CCSAP: variants seen among roughly 807,000 people sequenced by gnomAD.
CCSAP encodes centriole, cilia and spindle-associated protein.
In CCSAP, 17 loss-of-function variants were observed where a neutral mutation model predicts 25.9. That is an observed-to-expected ratio of 0.66 (90% CI 0.45 to 0.99). CCSAP has a LOEUF of 0.99. Among genes scored for constraint, CCSAP ranks in the 50% least tolerant of loss-of-function variants. The probability of loss-of-function intolerance (pLI) is 0.00; values close to 1 mark genes in which losing one functional copy is unlikely to be tolerated. For synonymous variants in CCSAP, 169 were observed against 157.1 expected, an observed-to-expected ratio of 1.08 and a Z score of -0.57; for missense variants, 339 against 367.8, an observed-to-expected ratio of 0.92 and a Z score of 0.64.
At chr1:229,333,246 C>A (rs369092599) in intron 2 of CCSAP, among the ~76,000 whole-genome samples, 9 of 151,604 alleles carry the variant, frequency 5.9e-5, no homozygotes, top group South Asian at 4.2e-4. Context: ...TCCTGGGTAA[C>A]ACGGTGAAAC....
intron 2 of CCSAP, 167 bp from the exon 3 acceptor site, chr1:229,327,173 T>C: frequency 1.7e-6 from 1 of 577,428 alleles, no homozygotes; most frequent in East Asian, 3.2e-5. Context: ...TTAGCATAAT[T>C]TTCAAACCAT....
At chr1:229,340,905 T>G (rs1658315157) in intron 2 of CCSAP, among the ~76,000 whole-genome samples, 1 of 152,116 alleles carries the variant, frequency 6.6e-6, no homozygotes, top group Admixed American at 6.5e-5. Context: ...TCTATAAAAC[T>G]GAGATTAGGG....
At position 229,323,940 on chromosome 1, in the gene CCSAP, C is replaced by T. The variant is rs1343695254; in HGVS notation, c.*1295G>A. ...TCTTATAAGGAACTTAGCACATATC[C>T]TTCTAGCAGATTCTTGTCTCCACAG... On this transcript the variant is annotated 3_prime_UTR_variant, in exon 4 of 4. Coordinates refer to ENST00000284617, the MANE Select transcript of CCSAP (RefSeq NM_145257.5). 6.6e-6 allele frequency: 1 copy of T among 152,452 alleles called. No homozygotes were observed. Among genetic ancestry groups the T allele is most frequent in the African/African-American group, 2.4e-5 (1 of 41,440 alleles). 9.4% of individuals were successfully genotyped at this position (152,452 alleles called of 1,614,324 possible). A position where few individuals can be genotyped will look rare whatever the true frequency, so the allele number is the denominator to read the frequency against.
intron 2 of CCSAP, among the ~76,000 whole-genome samples, chr1:229,333,795 C>G (rs1658136638): frequency 6.6e-6 from 1 of 151,902 alleles, no homozygotes; most frequent in Non-Finnish European, 1.5e-5. Context: ...GTGGGAGGAT[C>G]ACTTGAACCT....
intron 2 of CCSAP, among the ~76,000 whole-genome samples, chr1:229,331,724 T>C (rs1461673408): frequency 6.6e-6 from 1 of 151,896 alleles, no homozygotes; most frequent in Non-Finnish European, 1.5e-5. Flanking sequence ...CATGGAAGCT[T>C]CTCACCCCTT....
chr1:229,340,384 A>G (rs1658302959), intron 2 of CCSAP: 2 of 716,154 alleles, frequency 2.8e-6, no homozygotes, highest in East Asian at 5.4e-5. Context: ...CAAAATAATC[A>G]TGAACTCAGA....
intron 2 of CCSAP, among the ~76,000 whole-genome samples, chr1:229,327,977 T>C (rs1000400820): frequency 1.3e-5 from 2 of 152,096 alleles, no homozygotes; most frequent in Non-Finnish European, 2.9e-5. Context: ...AGCCCTAAAT[T>C]CTGGGGAACC....
intron 3 of CCSAP, 118 bp downstream of exon 3, chr1:229,326,620 A>G (rs555808544): frequency 8.2e-7 from 1 of 1,213,998 alleles, no homozygotes; most frequent in East Asian, 2.3e-5. Flanking sequence ...CTATCCCCTA[A>G]GATCTCCCAT....
chr1:229,330,064 G>A, intron 2 of CCSAP, among the ~76,000 whole-genome samples: 1 of 141,780 alleles, frequency 7.1e-6, no homozygotes, highest in Admixed American at 6.9e-5. Context: ...GCATCAGACT[G>A]ACAGGTGGAC....
At chr1:229,330,847 A>G (rs1489792172) in intron 2 of CCSAP, among the ~76,000 whole-genome samples, 2 of 151,912 alleles carry the variant, frequency 1.3e-5, no homozygotes, top group Non-Finnish European at 1.5e-5. Flanking sequence ...AAAAAAAAAA[A>G]AAAAGAAAAT....
chr1:229,333,980 T>TG (rs1272883749), intron 2 of CCSAP, among the ~76,000 whole-genome samples: 3 of 152,240 alleles, frequency 2.0e-5, no homozygotes, highest in African/African-American at 7.2e-5. Flanking sequence ...TTCCAAGTAG[T>TG]GGTAATAGAG....
At position 229,327,761 on chromosome 1, in the gene CCSAP, C is replaced by T. The variant is rs919102232; in HGVS notation, c.368-755G>A. On this transcript the variant is annotated intron_variant, in intron 2 of 3. Coordinates refer to ENST00000284617, the MANE Select transcript of CCSAP (RefSeq NM_145257.5). ...GTGCATGCCTGTAGTCCCAGCTACT[C>T]GGGAGACTGAGGCAGGGGAATCGCT... Among the ~76,000 whole-genome samples, 9 of 149,684 alleles carry T rather than the reference C, an allele frequency of 6.0e-5. No individual in the cohort carries two copies. In the East Asian group the frequency reaches 1.0e-3, roughly 17 times the overall value.
Position 229,327,569 on chromosome 1 carries a change from A to G in CCSAP, c.368-563T>C, listed in dbSNP as rs145293329. ...GCAGCCAGGCATTCCCTGTGGGAAG[A>G]GTTAAAAATGAGGGCCCCGGCCGGG... On this transcript the variant is annotated intron_variant, in intron 2 of 3. Coordinates refer to ENST00000284617, the MANE Select transcript of CCSAP (RefSeq NM_145257.5). 309 of 456,188 alleles carry G rather than the reference A, an allele frequency of 6.8e-4. 3 individuals are homozygous for G. The highest frequency in any genetic ancestry group is 5.8e-3 in the African/African-American group (289 of 50,182). 28.3% of individuals were successfully genotyped at this position (456,188 alleles called of 1,614,324 possible). A position where few individuals can be genotyped will look rare whatever the true frequency, so the allele number is the denominator to read the frequency against.
rs1317452278 is a variant in CCSAP at position 229,322,663 on chromosome 1, G to A, written c.*2572C>T. On this transcript the variant is annotated 3_prime_UTR_variant, in exon 4 of 4. Coordinates refer to ENST00000284617, the MANE Select transcript of CCSAP (RefSeq NM_145257.5). ...AAGTATTTTAACATCTCCTAACTAA[G>A]GGCAGTTAAAAGACAAAGAATCGAT... is the stretch of plus-strand genomic sequence containing the variant. 1 of 152,086 alleles carries A rather than the reference G, an allele frequency of 6.6e-6. No homozygotes were observed. The highest frequency in any genetic ancestry group is 1.5e-5 in the Non-Finnish European group (1 of 68,014). The allele number at this position is 152,086 out of a possible 1,614,324, so 9.4% of individuals were successfully genotyped here.
chr1:229,338,538 A>AACAC (rs55718200), intron 2 of CCSAP, among the ~76,000 whole-genome samples: 13,832 of 141,818 alleles, frequency 0.098, 712 homozygotes, highest in African/African-American at 0.11. Flanking sequence ...CCCAAACCCC[A>AACAC]ACACACACAC....
intron 3 of CCSAP, among the ~76,000 whole-genome samples, chr1:229,326,080 T>C (rs181628294): frequency 9.2e-5 from 14 of 152,338 alleles, no homozygotes; most frequent in African/African-American, 3.1e-4. Context: ...ATCATAACAG[T>C]ATTAACGCTA....
chr1:229,342,262 G>T lies in CCSAP; in HGVS notation c.204C>A (p.Gly68=). The T allele has an allele frequency of 7.7e-7, 1 of 1,290,602 alleles. No homozygotes were observed. The highest frequency in any genetic ancestry group is 9.8e-7 in the Non-Finnish European group (1 of 1,021,816). The allele number at this position is 1,290,602 out of a possible 1,614,324, so 79.9% of individuals were successfully genotyped here. The part of the protein sequence containing the change: ...SEDSASSESS[G]AGGPAPRCAP... ...CGCACCGGGGTGCGGGGCCCCCGGC[G>T]CCCGACGACTCTGACGACGCCGAGT... is the stretch of plus-strand genomic sequence containing the variant. Residue 68 remains glycine (G), a synonymous_variant, in exon 2 of 4, where the codon GGC becomes GGA. Transcript: ENST00000284617. The surrounding 1 kb of genome is among the most constrained non-coding windows in gnomAD (Gnocchi z 7.5).
At position 229,342,235 on chromosome 1, in the gene CCSAP, G is replaced by C; in HGVS notation, c.231C>G (p.Ala77=). ...SGAGGPAPRC[A]PPSPPPPVEP... ...CTACGGGCGGCGGGGGCGAGGGCGG[G>C]GCGCACCGGGGTGCGGGGCCCCCGG... The change falls in exon 2 of 4, where the codon GCC becomes GCG. Residue 77 remains alanine, a synonymous_variant. Coordinates refer to ENST00000284617, the MANE Select transcript of CCSAP (RefSeq NM_145257.5). This position sits in a 1 kb window ranked among gnomAD's most constrained non-coding sequence, Gnocchi z 7.5. 1 of 1,263,214 alleles carries C rather than the reference G, an allele frequency of 7.9e-7. No homozygotes were observed. The highest frequency in any genetic ancestry group is 3.2e-5 in the East Asian group (1 of 31,658). The allele number at this position is 1,263,214 out of a possible 1,614,324, so 78.3% of individuals were successfully genotyped here.
intron 2 of CCSAP, among the ~76,000 whole-genome samples, chr1:229,334,658 C>T (rs1211807116): frequency 6.6e-6 from 1 of 151,870 alleles, no homozygotes; most frequent in East Asian, 1.9e-4. Context: ...AAAAACTAAA[C>T]AAATTCACAA....
Sources: gnomAD v4.1 joint callset for allele counts (sites outside exome capture counted in the v4.1 genomes callset) on GRCh38, gnomAD v4.1.1 for gene constraint, Gnocchi (gnomAD v3.1) non-coding constraint, MANE v1.5 for transcripts, NCBI Gene and HGNC (gene_info 2026-07-23, HGNC 2026-07-21) for gene names.